The following IQCM variants were observed in gnomAD, a reference collection of about 807,000 sequenced individuals.
IQCM encodes the protein IQ motif containing M.
A neutral mutation model predicts 57.6 loss-of-function variants in IQCM; 45 were observed. That is an observed-to-expected ratio of 0.78 (90% CI 0.62 to 1.00). The LOEUF is 1.00. Among genes scored for constraint, IQCM ranks in the 50% least tolerant of loss-of-function variants. The probability of loss-of-function intolerance (pLI) is 0.00; values close to 1 mark genes in which losing one functional copy is unlikely to be tolerated. For synonymous variants in IQCM, 148 were observed against 158.9 expected (o/e 0.93, Z 0.51); for missense variants, 468 against 511.6 (o/e 0.91, Z 0.82).
At chr4:149,683,696 G>A (rs1762357839) in intron 6 of IQCM, among the ~76,000 whole-genome samples, 1 of 151,204 alleles carries the variant, frequency 6.6e-6, no homozygotes, top group Non-Finnish European at 1.5e-5. Context: ...CTAGTCAATG[G>A]ATAAGTGTTA....
intron 2 of IQCM, among the ~76,000 whole-genome samples, chr4:149,758,649 T>G (rs535310852): frequency 1.3e-5 from 2 of 151,918 alleles, no homozygotes; most frequent in Admixed American, 6.6e-5. Context: ...ACAATCTGAC[T>G]TTTAAATGGG....
chr4:149,388,783 A>G (rs1731633612), intron 13 of IQCM, among the ~76,000 whole-genome samples: 1 of 146,934 alleles, frequency 6.8e-6, no homozygotes, highest in Non-Finnish European at 1.5e-5. Flanking sequence ...ATACACACAC[A>G]CACACACATA....
intron 9 of IQCM, among the ~76,000 whole-genome samples, chr4:149,582,259 G>A (rs1752256235): frequency 8.6e-6 from 1 of 115,768 alleles, no homozygotes; most frequent in South Asian, 2.5e-4. Context: ...CTGCACCCTT[G>A]TAATTCCTAT....
chr4:149,788,532 A>T (rs1342554698), intron 2 of IQCM, among the ~76,000 whole-genome samples: 2 of 152,202 alleles, frequency 1.3e-5, no homozygotes, highest in African/African-American at 4.8e-5. Flanking sequence ...TGGAACTTTT[A>T]TACACTGTTG....
At chr4:149,419,268 A>AGCATGGT (rs1166651187) in intron 13 of IQCM, among the ~76,000 whole-genome samples, 1 of 152,186 alleles carries the variant, frequency 6.6e-6, no homozygotes, top group East Asian at 1.9e-4. Context: ...TAACCAAAAC[A>AGCATGGT]GCATGGTACT....
intron 12 of IQCM, among the ~76,000 whole-genome samples, chr4:149,529,579 T>A (rs1459496789): frequency 6.6e-6 from 1 of 152,182 alleles, no homozygotes; most frequent in Non-Finnish European, 1.5e-5. Flanking sequence ...GAATAAAGAT[T>A]TGCACTATTA....
intron 2 of IQCM, among the ~76,000 whole-genome samples, 155 bp from the exon 3 acceptor site, chr4:149,742,894 C>T (rs1008666877): frequency 2.6e-5 from 4 of 152,150 alleles, no homozygotes; most frequent in African/African-American, 9.7e-5. Context: ...CTCCAAAACA[C>T]AGTAACAATA....
At chr4:149,758,130 C>T (rs557214134) in intron 2 of IQCM, among the ~76,000 whole-genome samples, 4 of 152,216 alleles carry the variant, frequency 2.6e-5, no homozygotes, top group African/African-American at 9.6e-5. Flanking sequence ...ATATAGTCAG[C>T]TGACCTTTGA....
intron 2 of IQCM, among the ~76,000 whole-genome samples, chr4:149,762,281 G>T (rs1505463): frequency 0.56 from 84,308 of 151,432 alleles, 23,864 homozygotes; most frequent in Middle Eastern, 0.69. Flanking sequence ...TCTGTCACGG[G>T]TAGGGAGGAC....
At chr4:149,577,038 T>A (rs1378669935) in intron 9 of IQCM, among the ~76,000 whole-genome samples, 1 of 152,042 alleles carries the variant, frequency 6.6e-6, no homozygotes, top group Admixed American at 6.6e-5. Flanking sequence ...ATGTCTCATT[T>A]TGGGGAAAAT....
At chr4:149,570,971 T>A (rs1322523102) in intron 9 of IQCM, among the ~76,000 whole-genome samples, 1 of 151,766 alleles carries the variant, frequency 6.6e-6, no homozygotes, top group Non-Finnish European at 1.5e-5. Context: ...ATGTTAGAAT[T>A]TACTATCAGA....
At chr4:149,414,135 T>C (rs1481277290) in intron 13 of IQCM, among the ~76,000 whole-genome samples, 1 of 152,178 alleles carries the variant, frequency 6.6e-6, no homozygotes, top group Admixed American at 6.6e-5. Context: ...TTTAAACCCG[T>C]CTTATTTATC....
At chr4:149,738,319 C>G (rs1270977705) in intron 3 of IQCM, among the ~76,000 whole-genome samples, 2 of 152,200 alleles carry the variant, frequency 1.3e-5, no homozygotes, top group Admixed American at 6.5e-5. Flanking sequence ...GCATTTTAAG[C>G]CAGCAATCCT....
intron 13 of IQCM, among the ~76,000 whole-genome samples, chr4:149,379,729 C>T (rs894186905): frequency 1.3e-5 from 2 of 152,122 alleles, no homozygotes; most frequent in African/African-American, 4.8e-5. Flanking sequence ...TGAGTTAATA[C>T]TGAAATGAGT....
chr4:149,393,336 C>T (rs1400818042), intron 13 of IQCM, among the ~76,000 whole-genome samples: 1 of 150,684 alleles, frequency 6.6e-6, no homozygotes, highest in African/African-American at 2.4e-5. Flanking sequence ...AATGAGCAAG[C>T]CATAAAAAAG....
intron 12 of IQCM, among the ~76,000 whole-genome samples, chr4:149,533,585 G>C (rs938520380): frequency 2.2e-4 from 33 of 152,186 alleles, no homozygotes; most frequent in Admixed American, 1.3e-4. Context: ...ATTCCACATG[G>C]ACAGGGAAGC....
intron 13 of IQCM, among the ~76,000 whole-genome samples, chr4:149,393,309 A>G (rs931792139): frequency 1.6e-4 from 25 of 152,002 alleles, no homozygotes; most frequent in Non-Finnish European, 2.9e-4. Context: ...ATAGCAAAAT[A>G]GATACTGTTG....
intron 13 of IQCM, among the ~76,000 whole-genome samples, chr4:149,420,366 C>A (rs970149911): frequency 3.3e-5 from 5 of 151,780 alleles, no homozygotes; most frequent in Non-Finnish European, 7.4e-5. Flanking sequence ...CCTCAGCAAA[C>A]TAATGCAGGA....
intron 8 of IQCM, among the ~76,000 whole-genome samples, chr4:149,616,211 G>T (rs1191788401): frequency 6.6e-6 from 1 of 152,066 alleles, no homozygotes; most frequent in Non-Finnish European, 1.5e-5. Flanking sequence ...GTCCATTGAT[G>T]GGAGAATGGA....
Sources: gnomAD v4.1 joint callset for allele counts (sites outside exome capture counted in the v4.1 genomes callset) on GRCh38, gnomAD v4.1.1 for gene constraint, MANE v1.5 for transcripts, NCBI Gene and HGNC (gene_info 2026-07-23, HGNC 2026-07-21) for gene names.